MAPK10: variants seen among roughly 807,000 people sequenced by gnomAD.
The protein encoded by MAPK10 is mitogen-activated protein kinase 10, also known as JNK3 alpha protein kinase.
In MAPK10, 25 loss-of-function variants were observed where a neutral mutation model predicts 59.3. That is an observed-to-expected ratio of 0.42 (90% CI 0.31 to 0.59). The LOEUF is 0.59. MAPK10 is among the 20% of genes least tolerant of loss of function. The pLI is 0.15. For synonymous variants in MAPK10, 190 were observed against 200.5 expected, an observed-to-expected ratio of 0.95 and a Z score of 0.44; for missense variants, 351 against 568.9, an observed-to-expected ratio of 0.62 and a Z score of 3.90.
chr4:86,265,434 G>A (rs1321834562), intron 2 of MAPK10, among the ~76,000 whole-genome samples: 1 of 151,668 alleles, frequency 6.6e-6, no homozygotes, highest in Non-Finnish European at 1.5e-5. Context: ...GCTTAAACCT[G>A]GGAGGCGGAG....
chr4:86,011,221 G>A lies in MAPK10; in HGVS notation c.*6007C>T, dbSNP rs1318475773. On this transcript the variant is annotated 3_prime_UTR_variant, in exon 14 of 14. Coordinates refer to ENST00000641462, the MANE Select transcript of MAPK10 (RefSeq NM_138982.4). ...CAGTTGAAATTTAGTCTGGAACTGG[G>A]ACAGATGACTTGCCACATAGAGTGG... 1 of 152,218 alleles carries A rather than the reference G, an allele frequency of 6.6e-6. No homozygotes were observed. The highest frequency in any genetic ancestry group is 1.5e-5 in the Non-Finnish European group (1 of 68,044). The allele number at this position is 152,218 out of a possible 1,614,324, so 9.4% of individuals were successfully genotyped here.
intron 1 of MAPK10, among the ~76,000 whole-genome samples, chr4:86,425,422 T>C (rs1463725171): frequency 3.8e-5 from 5 of 130,762 alleles, no homozygotes. Flanking sequence ...GGTAATTTTC[T>C]ATTTTTCTGT....
chr4:86,295,060 G>T (rs1307596727), intron 2 of MAPK10, among the ~76,000 whole-genome samples: 1 of 152,204 alleles, frequency 6.6e-6, no homozygotes, highest in Non-Finnish European at 1.5e-5. Context: ...ATCAAAGCCT[G>T]CTCTGCACCT....
chr4:86,222,293 T>C (rs545594152), intron 2 of MAPK10, among the ~76,000 whole-genome samples: 2 of 152,284 alleles, frequency 1.3e-5, no homozygotes, highest in Admixed American at 6.5e-5. Context: ...AACACTCAAA[T>C]CCTCTCTTCT....
chr4:86,356,459 T>C, intron 1 of MAPK10: 1 of 852,644 alleles, frequency 1.2e-6, no homozygotes, highest in Non-Finnish European at 1.4e-6. Flanking sequence ...TTTTCAATAT[T>C]ACCTGATGTC....
intron 1 of MAPK10, among the ~76,000 whole-genome samples, chr4:86,581,913 ATATATATATATATATATATATAT>A (rs1762323233): frequency 4.0e-5 from 1 of 25,162 alleles, no homozygotes; most frequent in African/African-American, 1.1e-4. Flanking sequence ...ATATATATAT[ATATATATATATATATATATATAT>A]ATATATATAT....
chr4:86,054,329 C>T (rs2044133760), intron 11 of MAPK10, among the ~76,000 whole-genome samples: 1 of 152,126 alleles, frequency 6.6e-6, no homozygotes, highest in Admixed American at 6.6e-5. Flanking sequence ...CTATCTACAA[C>T]AAACATTTTG....
chr4:86,358,504 C>G (rs2148978791), intron 1 of MAPK10: 1 of 330,320 alleles, frequency 3.0e-6, no homozygotes, highest in African/African-American at 2.2e-5. Context: ...CACTGTCAGG[C>G]TCTGCACCAA....
At chr4:86,103,111 G>GTA (rs2055835912) in intron 6 of MAPK10, 75 bp downstream of exon 6, 14 of 808,056 alleles carry the variant, frequency 1.7e-5, no homozygotes, top group South Asian at 1.6e-4. Flanking sequence ...GTGTGTGTGT[G>GTA]TGTGTGGTGT....
At chr4:86,295,087 A>C (rs1352497252) in intron 2 of MAPK10, among the ~76,000 whole-genome samples, 1 of 152,182 alleles carries the variant, frequency 6.6e-6, no homozygotes, top group Admixed American at 6.5e-5. Context: ...ATACAGCATA[A>C]AATCAGATTT....
chr4:86,208,471 A>G lies in MAPK10; in HGVS notation c.-6-14064T>C, dbSNP rs530685528. Among the ~76,000 whole-genome samples, 5 of 149,520 alleles carry G rather than the reference A, an allele frequency of 3.3e-5. No individual in the cohort carries two copies. In the East Asian group the frequency reaches 9.7e-4, roughly 29 times the overall value. On this transcript the variant is annotated intron_variant, in intron 2 of 13. Transcript: ENST00000641462. ...AATAAATGTAATCCAGCATATAAAC[A>G]GAGCCAAAGACAATAACCACATGAT...
At chr4:86,300,493 C>T (rs2095448525) in intron 2 of MAPK10, 1 of 151,914 alleles carries the variant, frequency 6.6e-6, no homozygotes, top group Non-Finnish European at 1.5e-5. Flanking sequence ...AAAGCCCTTC[C>T]TTAGAATGAT....
intron 13 of MAPK10, chr4:86,027,461 T>A (rs1320919065): frequency 6.6e-6 from 1 of 152,214 alleles, no homozygotes; most frequent in Non-Finnish European, 1.5e-5. Context: ...AACCTTTATG[T>A]GAAGCATGAA....
intron 2 of MAPK10, among the ~76,000 whole-genome samples, chr4:86,210,941 T>A (rs1487502788): frequency 6.6e-6 from 1 of 150,822 alleles, no homozygotes; most frequent in Non-Finnish European, 1.5e-5. Flanking sequence ...AGAAGTGAAG[T>A]GAAAAAAAAT....
At chr4:86,548,597 C>G (rs1759479502) in intron 1 of MAPK10, among the ~76,000 whole-genome samples, 1 of 152,124 alleles carries the variant, frequency 6.6e-6, no homozygotes, top group African/African-American at 2.4e-5. Context: ...TGATAGGTTC[C>G]CCTTTGCCTT....
intron 1 of MAPK10, among the ~76,000 whole-genome samples, chr4:86,548,696 C>G (rs1318838522): frequency 6.6e-6 from 1 of 152,112 alleles, no homozygotes; most frequent in Non-Finnish European, 1.5e-5. Context: ...TCTTTATATA[C>G]TTTGGCTCAG....
chr4:86,212,070 C>T (rs767485974), intron 2 of MAPK10, among the ~76,000 whole-genome samples: 3 of 151,814 alleles, frequency 2.0e-5, no homozygotes, highest in Non-Finnish European at 2.9e-5. Flanking sequence ...AAAACAAATA[C>T]CAAAATGTCA....
intron 1 of MAPK10, among the ~76,000 whole-genome samples, chr4:86,577,890 A>T (rs939226019): frequency 1.3e-5 from 2 of 152,184 alleles, no homozygotes; most frequent in Non-Finnish European, 1.5e-5. Flanking sequence ...TAGAATATTT[A>T]TTGTGGTCTA....
At chr4:86,586,984 A>G (rs1341654564) in intron 1 of MAPK10, among the ~76,000 whole-genome samples, 2 of 152,208 alleles carry the variant, frequency 1.3e-5, no homozygotes, top group African/African-American at 2.4e-5. Flanking sequence ...AATTATCTCA[A>G]GCCTAAAATA....
Sources: allele counts gnomAD v4.1 joint callset (sites outside exome capture counted in the v4.1 genomes callset), GRCh38; gene constraint gnomAD v4.1.1; transcripts MANE v1.5; gene names NCBI Gene and HGNC (gene_info 2026-07-23, HGNC 2026-07-21).